Variants in PRDM5 observed in about 807,000 individuals in gnomAD.
PRDM5 encodes the protein PR domain zinc finger protein 5.
A neutral mutation model predicts 81.2 loss-of-function variants in PRDM5; 56 were observed. That is an observed-to-expected ratio of 0.69 (90% confidence interval 0.56 to 0.86). The LOEUF (loss-of-function observed/expected upper bound fraction) is 0.86, where lower values mean the gene tolerates loss of function less well. PRDM5 is among the 40% of genes least tolerant of loss of function. PRDM5 has a pLI of 0.00. For missense variants in PRDM5, 697 were observed against 770.1 expected (o/e 0.91, Z 1.12); for synonymous variants, 267 against 256.4 (o/e 1.04, Z -0.39).
intron 13 of PRDM5, among the ~76,000 whole-genome samples, chr4:120,764,780 C>G (rs1561142064): frequency 6.6e-6 from 1 of 152,116 alleles, no homozygotes; most frequent in African/African-American, 2.4e-5. Flanking sequence ...TCATTTATTT[C>G]TATGTCAATT....
At chr4:120,856,051 C>T (rs918263869) in intron 2 of PRDM5, among the ~76,000 whole-genome samples, 1 of 152,142 alleles carries the variant, frequency 6.6e-6, no homozygotes, top group Non-Finnish European at 1.5e-5. Context: ...TTACCAGGGG[C>T]ATTGTTTGTT....
Position 120,821,355 on chromosome 4 carries a change from A to T in PRDM5, c.301-10T>A, listed in dbSNP as rs779470856. On this transcript the variant is annotated splice_polypyrimidine_tract_variant and intron_variant, in intron 3 of 15. Coordinates refer to ENST00000264808, the MANE Select transcript of PRDM5 (RefSeq NM_018699.4). ...AAATGTTTTCTCCTTCCTGAAACAA[A>T]TTTTTTTAAATGCTGAACCATTCAT... is the stretch of plus-strand genomic sequence containing the variant. The T allele has an allele frequency of 4.3e-6, 7 of 1,609,488 alleles. No homozygotes were observed. Among genetic ancestry groups the T allele is most frequent in the Non-Finnish European group, 5.1e-6 (6 of 1,176,302 alleles).
At chr4:120,700,762 A>G (rs1735219838) in intron 15 of PRDM5, among the ~76,000 whole-genome samples, 1 of 152,190 alleles carries the variant, frequency 6.6e-6, no homozygotes, top group Admixed American at 6.5e-5. Context: ...GCTCATAATC[A>G]CTGATCATCA....
chr4:120,779,929 C>A (rs1748785709), intron 12 of PRDM5, among the ~76,000 whole-genome samples: 1 of 150,372 alleles, frequency 6.7e-6, no homozygotes, highest in East Asian at 2.0e-4. Flanking sequence ...AACAAACAAA[C>A]AAACAATATA....
At chr4:120,916,981 C>T (rs1561722352) in intron 1 of PRDM5, among the ~76,000 whole-genome samples, 1 of 152,222 alleles carries the variant, frequency 6.6e-6, no homozygotes, top group African/African-American at 2.4e-5. Flanking sequence ...AACAGAACAG[C>T]CAGAGTCATG....
Position 120,922,654 on chromosome 4 carries a change from GC to G in PRDM5, c.-47del. The G allele has an allele frequency of 6.4e-7, 1 of 1,572,774 alleles. No individual in the cohort carries two copies. Among genetic ancestry groups the G allele is most frequent in the South Asian group, 1.2e-5 (1 of 86,478 alleles). ...CCGCCTCTCTCAACACCGGCGCTTA[GC>G]GCCCGGCAGGCGGCACATCGAAATT... On this transcript the variant is annotated 5_prime_UTR_variant, in exon 1 of 16. It removes the in-frame stop codon of an upstream open reading frame in the 5' UTR. Transcript: ENST00000264808.
chr4:120,693,637 C>T lies in PRDM5; in HGVS notation c.*1474G>A, dbSNP rs1343222529. On this transcript the variant is annotated 3_prime_UTR_variant, in exon 16 of 16. Coordinates refer to ENST00000264808, the MANE Select transcript of PRDM5 (RefSeq NM_018699.4). ...TGAATCTTTATGTTTCTTTTTAAAACTGGAACTGGGCATGAATATAATTCT... is the reference window on the plus strand; with the variant it reads ...TGAATCTTTATGTTTCTTTTTAAAATTGGAACTGGGCATGAATATAATTCT... The T allele has an allele frequency of 3.3e-5, 5 of 152,066 alleles. No individual in the cohort carries two copies. Among genetic ancestry groups the T allele is most frequent in the African/African-American group, 4.8e-5 (2 of 41,428 alleles). 9.4% of individuals were successfully genotyped at this position (152,066 alleles called of 1,614,324 possible).
At chr4:120,758,240 T>C (rs1205208904) in intron 13 of PRDM5, among the ~76,000 whole-genome samples, 1 of 152,176 alleles carries the variant, frequency 6.6e-6, no homozygotes, top group Non-Finnish European at 1.5e-5. Context: ...AAATATGCTA[T>C]TGGTTCTTTT....
chr4:120,746,628 T>C (rs1743100162), intron 14 of PRDM5, among the ~76,000 whole-genome samples: 1 of 143,110 alleles, frequency 7.0e-6, no homozygotes, highest in South Asian at 2.3e-4. Context: ...GCGAAGGACA[T>C]GAACAGACAC....
intron 15 of PRDM5, among the ~76,000 whole-genome samples, chr4:120,703,064 A>G (rs1735608315): frequency 6.6e-6 from 1 of 151,966 alleles, no homozygotes; most frequent in Non-Finnish European, 1.5e-5. Context: ...TCTTTTCCCT[A>G]TGGCTGATTC....
rs114554935 is a variant in PRDM5, at chr4:120,789,381, T to C, written c.1189-4290A>G. ...GAGAATAAAATGAAATTAAGGACCA[T>C]TTACAATTAAAAATTATACTACTGA... On this transcript the variant is annotated intron_variant, in intron 10 of 15. Transcript: ENST00000264808. 2.9e-3 allele frequency among the ~76,000 whole-genome samples: 438 copies of C among 152,312 alleles called. 1 individual carries two copies. The highest frequency in any genetic ancestry group is 4.5e-3 in the Non-Finnish European group (308 of 68,030).
chr4:120,751,081 T>C (rs1253215193), intron 14 of PRDM5, among the ~76,000 whole-genome samples: 1 of 152,172 alleles, frequency 6.6e-6, no homozygotes, highest in Non-Finnish European at 1.5e-5. Context: ...TCTTACCCTG[T>C]CATTTAGGCT....
chr4:120,799,544 G>T, intron 9 of PRDM5, 117 bp downstream of exon 9: 1 of 1,462,582 alleles, frequency 6.8e-7, no homozygotes, highest in African/African-American at 1.4e-5. Context: ...ACTACTAAAG[G>T]TCCAAAGCAG....
At chr4:120,763,300 A>G (rs913147561) in intron 13 of PRDM5, among the ~76,000 whole-genome samples, 4 of 152,164 alleles carry the variant, frequency 2.6e-5, no homozygotes, top group African/African-American at 9.7e-5. Flanking sequence ...ATTTTTTTAA[A>G]AAAGAATACG....
chr4:120,770,451 C>T (rs114999611), intron 13 of PRDM5, among the ~76,000 whole-genome samples: 4,956 of 140,510 alleles, frequency 0.035, 273 homozygotes, highest in African/African-American at 0.12. Context: ...TTTGCTTTCT[C>T]CTTCTCATTT....
intron 2 of PRDM5, among the ~76,000 whole-genome samples, chr4:120,891,940 T>A (rs1653097898): frequency 6.6e-6 from 1 of 152,212 alleles, no homozygotes; most frequent in African/African-American, 2.4e-5. Context: ...TTTATTTGAA[T>A]GTTTAGCACC....
intron 13 of PRDM5, among the ~76,000 whole-genome samples, chr4:120,761,187 T>C (rs1468424954): frequency 1.3e-5 from 2 of 152,094 alleles, no homozygotes; most frequent in Middle Eastern, 3.2e-3. Flanking sequence ...ATTTGAAATG[T>C]GTGTGGGGAA....
chr4:120,868,262 T>C (rs753943854), intron 2 of PRDM5, among the ~76,000 whole-genome samples: 55 of 152,246 alleles, frequency 3.6e-4, no homozygotes, highest in Middle Eastern at 3.4e-3. Flanking sequence ...GAAAAGAAAA[T>C]ATGGCATATA....
At chr4:120,888,232 T>C (rs888320036) in intron 2 of PRDM5, among the ~76,000 whole-genome samples, 1 of 152,196 alleles carries the variant, frequency 6.6e-6, no homozygotes, top group African/African-American at 2.4e-5. Flanking sequence ...CATATAGCTA[T>C]CACACAGATC....
Sources: allele counts gnomAD v4.1 joint callset (sites outside exome capture counted in the v4.1 genomes callset), GRCh38; gene constraint gnomAD v4.1.1; transcripts MANE v1.5; gene names NCBI Gene and HGNC (gene_info 2026-07-23, HGNC 2026-07-21).